The following SLC26A8 variants were observed in gnomAD, a reference collection of about 807,000 sequenced individuals.
SLC26A8 encodes the protein testis anion transporter 1.
In SLC26A8, 70 loss-of-function variants were observed where a neutral mutation model predicts 105.0. The ratio of observed to expected loss-of-function variants is 0.67; its 90% confidence interval spans 0.55 to 0.81. The LOEUF (loss-of-function observed/expected upper bound fraction) is 0.81, where lower values mean the gene tolerates loss of function less well. Among genes scored for constraint, SLC26A8 ranks in the 40% least tolerant of loss-of-function variants. SLC26A8 has a pLI of 0.00. For missense variants in SLC26A8, 998 were observed against 1,181.8 expected (o/e 0.84, Z 2.28); for synonymous variants, 415 against 438.3 (o/e 0.95, Z 0.66).
At chr6:35,998,278 G>A (rs905845621) in intron 4 of SLC26A8, among the ~76,000 whole-genome samples, 11 of 152,060 alleles carry the variant, frequency 7.2e-5, no homozygotes, top group Middle Eastern at 3.2e-3. Flanking sequence ...AGCAATCACC[G>A]GGCATGGTGG....
At chr6:35,970,761 C>T (rs554442342) in intron 10 of SLC26A8, among the ~76,000 whole-genome samples, 12 of 152,080 alleles carry the variant, frequency 7.9e-5, no homozygotes, top group Non-Finnish European at 1.5e-4. Flanking sequence ...CGTGGTGGCT[C>T]GCACCTGTAA....
intron 7 of SLC26A8, among the ~76,000 whole-genome samples, chr6:35,989,105 G>T (rs919416574): frequency 6.6e-6 from 1 of 152,106 alleles, no homozygotes; most frequent in Non-Finnish European, 1.5e-5. Context: ...CTCCCAAAGT[G>T]CTGGGATTAC....
chr6:35,983,066 T>C (rs1317855712), intron 7 of SLC26A8, among the ~76,000 whole-genome samples: 4 of 152,232 alleles, frequency 2.6e-5, no homozygotes, highest in African/African-American at 9.6e-5. Flanking sequence ...CTTTATCCCA[T>C]TCTTCCTACT....
At chr6:35,957,802 C>T (rs997108591) in intron 16 of SLC26A8, among the ~76,000 whole-genome samples, 1 of 152,090 alleles carries the variant, frequency 6.6e-6, no homozygotes, top group African/African-American at 2.4e-5. Context: ...GACAGGGTTT[C>T]ACCATGTTGG....
intron 10 of SLC26A8, chr6:35,969,184 A>C: frequency 2.0e-6 from 1 of 488,064 alleles, no homozygotes; most frequent in South Asian, 2.2e-5. Flanking sequence ...CTCCCTGAAA[A>C]GCTCCACGTT....
chr6:35,961,115 A>T lies in SLC26A8; in HGVS notation c.1462-16T>A, dbSNP rs1772292161. The T allele has an allele frequency of 1.3e-6, 2 of 1,595,540 alleles. No individual in the cohort carries two copies. The highest frequency in any genetic ancestry group is 1.7e-4 in the Middle Eastern group (1 of 6,026). On this transcript the variant is annotated splice_polypyrimidine_tract_variant and intron_variant, in intron 12 of 19. Transcript: ENST00000490799. ...TCCAAAGAGCCTTATGGAAAAGGGA[A>T]TGAGGGGAAAATGATCATGAAAACA...
chr6:35,948,363 C>T lies in SLC26A8; in HGVS notation c.2472+2800G>A, dbSNP rs181085200. On this transcript the variant is annotated intron_variant, in intron 19 of 19. Coordinates refer to ENST00000490799, the MANE Select transcript of SLC26A8 (RefSeq NM_052961.4). ...CAGCATTTTGGGAGGCTAAGGTGGG[C>T]AGATCACCTGAGGTCAGGAGTTCGA... 1.6e-4 allele frequency among the ~76,000 whole-genome samples: 25 copies of T among 152,154 alleles called. 1 individual carries two copies. The highest frequency in any genetic ancestry group is 1.6e-3 in the Admixed American group (25 of 15,286).
chr6:35,968,066 T>C (rs1194788245), intron 11 of SLC26A8, among the ~76,000 whole-genome samples: 1 of 152,086 alleles, frequency 6.6e-6, no homozygotes, highest in Non-Finnish European at 1.5e-5. Flanking sequence ...CCGGCTGATC[T>C]TGAACTCCTG....
intron 14 of SLC26A8, 75 bp downstream of exon 14, chr6:35,960,768 T>G: frequency 7.1e-7 from 1 of 1,408,254 alleles, no homozygotes. Flanking sequence ...CAAGGGATTT[T>G]GTAGAAAAAC....
chr6:35,994,445 C>A (rs537796504), intron 5 of SLC26A8, among the ~76,000 whole-genome samples: 137 of 152,002 alleles, frequency 9.0e-4, no homozygotes, highest in African/African-American at 3.2e-3. Context: ...CTGTCATTGC[C>A]GCCCAATGTT....
At chr6:35,990,813 C>T (rs1192485173) in intron 7 of SLC26A8, among the ~76,000 whole-genome samples, 1 of 152,076 alleles carries the variant, frequency 6.6e-6, no homozygotes, top group Non-Finnish European at 1.5e-5. Context: ...GATGGTGCAA[C>T]TATAGGAATT....
At chr6:36,003,667 C>CTT (rs5875527) in intron 3 of SLC26A8, among the ~76,000 whole-genome samples, 17,242 of 144,160 alleles carry the variant, frequency 0.12, 1,065 homozygotes, top group Middle Eastern at 0.15. Flanking sequence ...TTCTTTTTTT[C>CTT]TTTTTTTTTT....
At chr6:35,955,571 G>T in intron 16 of SLC26A8, 51 bp from the exon 17 acceptor site, 1 of 1,585,918 alleles carries the variant, frequency 6.3e-7, no homozygotes. Context: ...AACAAGGGCC[G>T]GAAGGACTTG....
intron 2 of SLC26A8, among the ~76,000 whole-genome samples, chr6:36,017,047 C>T (rs1374159866): frequency 6.6e-6 from 1 of 152,010 alleles, no homozygotes; most frequent in Non-Finnish European, 1.5e-5. Flanking sequence ...TGGCGCACAC[C>T]TGTAATCCCA....
At chr6:35,991,861 A>G in intron 6 of SLC26A8, 53 bp from the exon 7 acceptor site, 1 of 1,489,064 alleles carries the variant, frequency 6.7e-7, no homozygotes, top group Non-Finnish European at 8.9e-7. Flanking sequence ...TAATTGCCTA[A>G]GTCTAGAAAT....
chr6:36,001,805 T>C (rs1330138229), intron 3 of SLC26A8, among the ~76,000 whole-genome samples: 1 of 152,200 alleles, frequency 6.6e-6, no homozygotes, highest in Non-Finnish European at 1.5e-5. Context: ...GTTGTGAATA[T>C]GGAGAAGCCA....
intron 9 of SLC26A8, 100 bp from the exon 10 acceptor site, chr6:35,975,588 G>T: frequency 1.6e-6 from 1 of 636,906 alleles, no homozygotes; most frequent in South Asian, 2.0e-5. Context: ...TGAAGATAGG[G>T]TTGTTTGCAT....
At chr6:35,968,605 GTGTGTATATATATA>G (rs1474792679) in intron 11 of SLC26A8, among the ~76,000 whole-genome samples, 920 of 53,732 alleles carry the variant, frequency 0.017, 9 homozygotes, top group Non-Finnish European at 0.022. Flanking sequence ...GTGTGTGTGT[GTGTGTATATATATA>G]TATATATATA....
intron 7 of SLC26A8, chr6:35,989,897 TTTTTTTTGTTTG>T (rs1370432537): frequency 7.2e-6 from 1 of 138,828 alleles, no homozygotes; most frequent in East Asian, 2.0e-4. Context: ...TTGTTCTGTT[TTTTTTTTGTTTG>T]TTTGTTTGTT....
Sources: gnomAD v4.1 joint callset for allele counts (sites outside exome capture counted in the v4.1 genomes callset) on GRCh38, gnomAD v4.1.1 for gene constraint, MANE v1.5 for transcripts, NCBI Gene and HGNC (gene_info 2026-07-23, HGNC 2026-07-21) for gene names.